Variants in MEIS2 observed in about 807,000 individuals in gnomAD.
The protein encoded by MEIS2 is homeobox protein Meis2.
In MEIS2, 9 loss-of-function variants were observed where a neutral mutation model predicts 58.6. That is an observed-to-expected ratio of 0.15 (90% CI 0.09 to 0.27). MEIS2 has a LOEUF of 0.27. Ranked by LOEUF, MEIS2 falls within the 10% of genes least tolerant of loss-of-function variation. MEIS2 has a pLI of 1.00. For synonymous variants in MEIS2, 221 were observed against 228.4 expected, an observed-to-expected ratio of 0.97 and a Z score of 0.29; for missense variants, 427 against 635.0, an observed-to-expected ratio of 0.67 and a Z score of 3.52.
chr15:36,992,699 A>T (rs1030990655), intron 8 of MEIS2, among the ~76,000 whole-genome samples: 1 of 152,032 alleles, frequency 6.6e-6, no homozygotes, highest in Non-Finnish European at 1.5e-5. Context: ...TTTCTACCAG[A>T]GAGTGTAGTA....
At chr15:36,926,442 C>G (rs565758277) in intron 9 of MEIS2, among the ~76,000 whole-genome samples, 1 of 152,304 alleles carries the variant, frequency 6.6e-6, no homozygotes, top group South Asian at 2.1e-4. Flanking sequence ...GGTGACTATT[C>G]ACATTAATAT....
intron 9 of MEIS2, 35 bp downstream of exon 9, chr15:36,950,289 C>T: frequency 2.0e-6 from 3 of 1,516,340 alleles, no homozygotes; most frequent in Non-Finnish European, 2.7e-6. Context: ...TCATTTTAGC[C>T]ATGGGAGAAA....
chr15:36,890,369 C>T lies in MEIS2; in HGVS notation c.*1804G>A, dbSNP rs978881395. 6.6e-6 allele frequency: 1 copy of T among 152,012 alleles called. No individual in the cohort carries two copies. Among genetic ancestry groups the T allele is most frequent in the African/African-American group, 2.4e-5 (1 of 41,390 alleles). 9.4% of individuals were successfully genotyped at this position (152,012 alleles called of 1,614,324 possible). On this transcript the variant is annotated 3_prime_UTR_variant, in exon 12 of 12. Transcript: ENST00000561208. ...ATAAAATTTTGAAAATGGCATTATA[C>T]CGTCCATTTTGTTTTGTTTTGTTTT...
At chr15:37,051,462 T>C (rs1374059873) in intron 7 of MEIS2, among the ~76,000 whole-genome samples, 1 of 152,116 alleles carries the variant, frequency 6.6e-6, no homozygotes, top group Admixed American at 6.5e-5. Flanking sequence ...AGGACATATA[T>C]AGAGGGAGGG....
rs186928071 is a variant in MEIS2, at chr15:36,911,219, A to C, written c.978-14533T>G. Among the ~76,000 whole-genome samples the C allele has an allele frequency of 7.9e-4, 121 of 152,234 alleles. 2 individuals are homozygous for C. In the Middle Eastern group the frequency reaches 0.02, roughly 26 times the overall value. On this transcript the variant is annotated intron_variant, in intron 9 of 11. Transcript: ENST00000561208. ...CATTGGGTATTTTACTATGCCTAAA[A>C]TGTCTGCTTCAAAATAGCTGTTTGA...
chr15:36,899,811 T>G (rs1449476846), intron 9 of MEIS2, among the ~76,000 whole-genome samples: 1 of 152,152 alleles, frequency 6.6e-6, no homozygotes, highest in East Asian at 1.9e-4. Context: ...ATGAGTTAAG[T>G]GTAAATGAAT....
intron 8 of MEIS2, among the ~76,000 whole-genome samples, chr15:36,986,459 A>T (rs140296127): frequency 6.6e-6 from 1 of 152,320 alleles, no homozygotes; most frequent in African/African-American, 2.4e-5. Flanking sequence ...TTAATGTTCC[A>T]CCCACATTGC....
intron 9 of MEIS2, among the ~76,000 whole-genome samples, chr15:36,947,205 G>T (rs1375240946): frequency 6.6e-6 from 1 of 151,936 alleles, no homozygotes; most frequent in Non-Finnish European, 1.5e-5. Flanking sequence ...AAAAATGACT[G>T]AGTGTCATAA....
At chr15:37,001,366 C>A (rs1305274396) in intron 8 of MEIS2, among the ~76,000 whole-genome samples, 1 of 152,126 alleles carries the variant, frequency 6.6e-6, no homozygotes, top group East Asian at 1.9e-4. Flanking sequence ...AAATCTCTTC[C>A]TACTCCAGCC....
At chr15:37,094,673 G>A in intron 4 of MEIS2, 96 bp from the exon 5 acceptor site, 1 of 986,344 alleles carries the variant, frequency 1.0e-6, no homozygotes, top group Non-Finnish European at 1.5e-6. Flanking sequence ...TGAGAAAGTT[G>A]GGCTGGGGAG....
In MEIS2 at chr15:37,088,693, G is replaced by A. The variant is rs187061545; in HGVS notation, c.640-4808C>T. On this transcript the variant is annotated intron_variant, in intron 6 of 11. Coordinates refer to ENST00000561208, the MANE Select transcript of MEIS2 (RefSeq NM_170675.5). ...CTCCCCACTTCTACCTCTCTATTAA[G>A]CTTTGGGATTAATATGTAAGCAACT... Among the ~76,000 whole-genome samples the A allele has an allele frequency of 1.3e-4, 20 of 152,178 alleles. No homozygotes were observed. The East Asian group carries it at 3.9e-3, about 29-fold the overall frequency.
At chr15:37,081,170 T>C (rs1214832503) in intron 7 of MEIS2, among the ~76,000 whole-genome samples, 1 of 152,120 alleles carries the variant, frequency 6.6e-6, no homozygotes, top group Non-Finnish European at 1.5e-5. Context: ...TTCATCCCTA[T>C]TTTTTGTGTT....
intron 8 of MEIS2, among the ~76,000 whole-genome samples, chr15:37,032,393 C>A (rs187964254): frequency 3.9e-5 from 6 of 152,290 alleles, no homozygotes; most frequent in African/African-American, 1.4e-4. Context: ...TTTTTCACGT[C>A]AGCCTGGGTA....
chr15:37,069,017 GAC>G (rs558686752), intron 7 of MEIS2, among the ~76,000 whole-genome samples: 6 of 152,112 alleles, frequency 3.9e-5, no homozygotes, highest in Non-Finnish European at 8.8e-5. Context: ...TAAAAAGTCT[GAC>G]ACATTATTTT....
At chr15:36,957,978 G>T (rs754026356) in intron 8 of MEIS2, among the ~76,000 whole-genome samples, 1 of 152,258 alleles carries the variant, frequency 6.6e-6, no homozygotes, top group African/African-American at 2.4e-5. Context: ...GGAAATGCAG[G>T]CTTCACATTC....
At position 36,952,593 on chromosome 15, in the gene MEIS2, G is replaced by GTC. The variant is rs1225734949; in HGVS notation, c.901-2195_901-2194dup. On this transcript the variant is annotated intron_variant, in intron 8 of 11. Transcript: ENST00000561208. ...AAAATGTGGGTTGTAGAGTCTGTCT[G>GTC]TCTGTCTCTCTCTCTGTGTGTGTGT... Among the ~76,000 whole-genome samples the GTC allele has an allele frequency of 6.5e-5, 6 of 92,216 alleles. No individual in the cohort carries two copies. In the East Asian group the frequency reaches 1.7e-3, roughly 26 times the overall value. The allele number at this position is 92,216 out of a possible 152,430, so 60.5% of individuals were successfully genotyped here. A position where few individuals can be genotyped will look rare whatever the true frequency, so the allele number is the denominator to read the frequency against.
At chr15:36,975,395 G>T (rs1273171828) in intron 8 of MEIS2, among the ~76,000 whole-genome samples, 1 of 149,384 alleles carries the variant, frequency 6.7e-6, no homozygotes, top group Non-Finnish European at 1.5e-5. Context: ...CTGTGTTTCA[G>T]TTTTCTTTAA....
rs544094106 is a variant in MEIS2 at position 36,954,098 on chromosome 15, T to C, written c.901-3698A>G. 2.0e-4 allele frequency among the ~76,000 whole-genome samples: 30 copies of C among 152,212 alleles called. No homozygotes were observed. The South Asian group carries it at 6.2e-3, about 32-fold the overall frequency. Reference sequence around the variant, plus strand: ...TCATAAATTAGATATGTACAATGAATGAAAAAGCTAGTATCTGGAAGGCTA... The same window carrying C: ...TCATAAATTAGATATGTACAATGAACGAAAAAGCTAGTATCTGGAAGGCTA... On this transcript the variant is annotated intron_variant, in intron 8 of 11. Transcript: ENST00000561208.
intron 8 of MEIS2, among the ~76,000 whole-genome samples, chr15:36,952,597 G>GTCTCTC (rs147145504): frequency 9.3e-6 from 1 of 107,304 alleles, no homozygotes; most frequent in African/African-American, 3.1e-5. Context: ...CTGTCTGTCT[G>GTCTCTC]TCTCTCTCTC....
Sources: gnomAD v4.1 joint callset for allele counts (sites outside exome capture counted in the v4.1 genomes callset) on GRCh38, gnomAD v4.1.1 for gene constraint, MANE v1.5 for transcripts, NCBI Gene and HGNC (gene_info 2026-07-23, HGNC 2026-07-21) for gene names.